REV1: variants seen among roughly 807,000 people sequenced by gnomAD.
REV1 encodes the protein translesion synthesis protein REV1.
REV1 carries 42 observed loss-of-function variants against 137.4 expected under a neutral mutation model. That is an observed-to-expected ratio of 0.31 (90% confidence interval 0.24 to 0.40). The LOEUF (loss-of-function observed/expected upper bound fraction) is 0.40, where lower values mean the gene tolerates loss of function less well. Ranked by LOEUF, REV1 falls within the 10% of genes least tolerant of loss-of-function variation. The pLI, the probability that REV1 is intolerant of heterozygous loss-of-function variation, is 1.00. For missense variants in REV1, 1,282 were observed against 1,490.1 expected, an observed-to-expected ratio of 0.86 and a Z score of 2.30; for synonymous variants, 524 against 519.2, an observed-to-expected ratio of 1.01 and a Z score of -0.12.
rs753380213 is a variant in REV1, at chr2:99,449,496, C to G, written c.190G>C (p.Ala64Pro). The change falls in exon 4 of 23, where the codon GCT (alanine) becomes CCT (proline). Residue 64 changes from alanine (A) to proline (P), a missense_variant. Physicochemically the swap from Ala to Pro is conservative, Grantham distance 27. Transcript: ENST00000258428. ...ATCATTAGTTTTCTCAATTCCTCAG[C>G]GGAAGGATCTGCAAAATTTATATTA... ...IYVNGYTDPSAEELRKLMMLH... is the reference protein window; with the variant it reads ...IYVNGYTDPSPEELRKLMMLH... 6.9e-7 allele frequency: 1 copy of G among 1,446,826 alleles called. No individual in the cohort carries two copies. Among genetic ancestry groups the G allele is most frequent in the African/African-American group, 1.5e-5 (1 of 67,776 alleles). 89.6% of individuals were successfully genotyped at this position (1,446,826 alleles called of 1,614,324 possible).
intron 7 of REV1, 134 bp from the exon 8 acceptor site, chr2:99,434,582 A>C: frequency 2.1e-6 from 1 of 474,932 alleles, no homozygotes; most frequent in Non-Finnish European, 3.7e-6. Flanking sequence ...ATCCTTAAAG[A>C]AGCTAATACT....
intron 1 of REV1, among the ~76,000 whole-genome samples, chr2:99,469,684 A>G (rs1685187523): frequency 1.3e-5 from 2 of 152,258 alleles, no homozygotes; most frequent in Non-Finnish European, 1.5e-5. Context: ...ATTTAAAAAT[A>G]TAACAAGACT....
chr2:99,421,576 A>C lies in REV1; in HGVS notation c.1754T>G (p.Leu585Arg). ...AGCATTTGCAAATTCATCAGGAGTA[A>C]GTTTGGTCTCTGCAAGGATTTCGGT... is the stretch of plus-strand genomic sequence containing the variant. Reference protein sequence around the residue: ...DITEILAETKLTPDEFANAVR... With the variant: ...DITEILAETKRTPDEFANAVR... Residue 585 changes from leucine (L) to arginine (R), a missense_variant, in exon 11 of 23, where the codon CTT becomes CGT. Physicochemically the swap from Leu to Arg is moderately radical, Grantham distance 102. Transcript: ENST00000258428. The C allele has an allele frequency of 6.2e-7, 1 of 1,614,106 alleles. No individual in the cohort carries two copies. Among genetic ancestry groups the C allele is most frequent in the Non-Finnish European group, 8.5e-7 (1 of 1,179,994 alleles).
chr2:99,403,456 C>CATT (rs1675797350), intron 19 of REV1: 4 of 590,036 alleles, frequency 6.8e-6, no homozygotes, highest in African/African-American at 5.6e-5. Flanking sequence ...TGGTAATGTC[C>CATT]TATTCCAACT....
At chr2:99,406,227 T>G in intron 16 of REV1, 98 bp downstream of exon 16, 1 of 1,440,830 alleles carries the variant, frequency 6.9e-7, no homozygotes, top group Non-Finnish European at 9.3e-7. Flanking sequence ...ATATAAATTT[T>G]TAAAATCACA....
chr2:99,437,765 A>C (rs1183504223), intron 6 of REV1, among the ~76,000 whole-genome samples: 1 of 152,208 alleles, frequency 6.6e-6, no homozygotes, highest in Non-Finnish European at 1.5e-5. Context: ...TGTAAGGATA[A>C]TCTAGTATCT....
intron 3 of REV1, among the ~76,000 whole-genome samples, chr2:99,450,124 CA>C (rs1322787232): frequency 6.6e-6 from 1 of 151,982 alleles, no homozygotes; most frequent in East Asian, 1.9e-4. Context: ...TAAAGTCCAG[CA>C]AAACAAAAAA....
chr2:99,462,248 A>G (rs1244547614), intron 3 of REV1, among the ~76,000 whole-genome samples: 1 of 152,184 alleles, frequency 6.6e-6, no homozygotes, highest in Non-Finnish European at 1.5e-5. Flanking sequence ...CATGTGTGGT[A>G]ATTTCCCGTT....
intron 1 of REV1, among the ~76,000 whole-genome samples, chr2:99,467,265 A>C (rs1024955554): frequency 2.0e-5 from 3 of 152,118 alleles, no homozygotes; most frequent in Non-Finnish European, 4.4e-5. Flanking sequence ...CAAAAATTAA[A>C]AAAAAAAACA....
At chr2:99,420,810 G>A (rs1350686795) in intron 11 of REV1, among the ~76,000 whole-genome samples, 2 of 152,208 alleles carry the variant, frequency 1.3e-5, no homozygotes, top group African/African-American at 4.8e-5. Flanking sequence ...TTCCAAGCCT[G>A]TGGTATACTG....
Position 99,489,530 on chromosome 2 carries a change from G to A in REV1, c.-11+287C>T, listed in dbSNP as rs553077297. On this transcript the variant is annotated intron_variant, in intron 1 of 22. Coordinates refer to ENST00000258428, the MANE Select transcript of REV1 (RefSeq NM_016316.4). ...CAGGGGTCGGCGCGGGGCGGCCCAT[G>A]GGGCTGGCGGCGGCGCGGGGCCGGC... Among the ~76,000 whole-genome samples the A allele has an allele frequency of 2.7e-5, 4 of 148,920 alleles. No homozygotes were observed. In the East Asian group the frequency reaches 5.9e-4, roughly 22 times the overall value.
intron 3 of REV1, chr2:99,451,605 C>G (rs1156580939): frequency 3.0e-6 from 2 of 664,792 alleles, no homozygotes; most frequent in Non-Finnish European, 4.8e-6. Flanking sequence ...AGTTGTTTAA[C>G]TTCTTTAGGC....
intron 1 of REV1, among the ~76,000 whole-genome samples, chr2:99,465,273 C>T (rs569340114): frequency 4.6e-5 from 7 of 152,324 alleles, no homozygotes; most frequent in Admixed American, 2.6e-4. Context: ...CATTCACTTA[C>T]ATAAAACACC....
intron 8 of REV1, chr2:99,431,658 A>G: frequency 2.3e-6 from 2 of 855,956 alleles, no homozygotes; most frequent in Non-Finnish European, 2.8e-6. Context: ...TTGAGGAGAG[A>G]ACAGTCTCTG....
chr2:99,489,975 C>G lies in REV1; in HGVS notation c.-169G>C, dbSNP rs969214113. 6.7e-6 allele frequency: 1 copy of G among 150,044 alleles called. No individual in the cohort carries two copies. The highest frequency in any genetic ancestry group is 1.5e-5 in the Non-Finnish European group (1 of 67,288). 9.3% of individuals were successfully genotyped at this position (150,044 alleles called of 1,614,324 possible). A position where few individuals can be genotyped will look rare whatever the true frequency, so the allele number is the denominator to read the frequency against. ...AGCAGCGCCGCGGTCCACGCTCCCC[C>G]ACGCTCGCGGCAACCAACCCCGCGC... On this transcript the variant is annotated 5_prime_UTR_variant, in exon 1 of 23. Coordinates refer to ENST00000258428, the MANE Select transcript of REV1 (RefSeq NM_016316.4).
chr2:99,441,687 C>A (rs867825025), intron 5 of REV1, among the ~76,000 whole-genome samples: 70 of 151,956 alleles, frequency 4.6e-4, no homozygotes, highest in African/African-American at 1.5e-3. Flanking sequence ...TTTGAGAAAG[C>A]AATACAGCAA....
intron 12 of REV1, among the ~76,000 whole-genome samples, chr2:99,416,328 A>G (rs1029556140): frequency 2.0e-5 from 3 of 152,272 alleles, no homozygotes; most frequent in African/African-American, 7.2e-5. Flanking sequence ...CCTCCACCAC[A>G]GAAGGTTCCC....
chr2:99,422,950 G>T (rs1164404829), intron 10 of REV1, among the ~76,000 whole-genome samples: 13 of 152,164 alleles, frequency 8.5e-5, no homozygotes, highest in Admixed American at 8.5e-4. Context: ...TCCTTTCAAA[G>T]AGGATTTAAA....
chr2:99,421,144 CAG>C (rs144608626), intron 11 of REV1, among the ~76,000 whole-genome samples: 2 of 151,988 alleles, frequency 1.3e-5, no homozygotes, highest in African/African-American at 2.4e-5. Flanking sequence ...GGCTGAAGTG[CAG>C]AGAGTAACAA....
Sources: allele counts gnomAD v4.1 joint callset (sites outside exome capture counted in the v4.1 genomes callset), GRCh38; gene constraint gnomAD v4.1.1; transcripts MANE v1.5; gene names NCBI Gene and HGNC (gene_info 2026-07-23, HGNC 2026-07-21).